Variants in BTBD9 observed in about 807,000 individuals in gnomAD.
BTBD9 encodes BTB/POZ domain-containing protein 9.
BTBD9 carries 49 observed loss-of-function variants against 64.3 expected under a neutral mutation model. The ratio of observed to expected loss-of-function variants is 0.76; its 90% CI spans 0.61 to 0.97. The LOEUF (loss-of-function observed/expected upper bound fraction) is 0.97, where lower values mean the gene tolerates loss of function less well. Ranked by LOEUF, BTBD9 falls within the 50% of genes least tolerant of loss-of-function variation. The pLI is 0.00. For synonymous variants in BTBD9, 260 were observed against 274.7 expected (o/e 0.95, Z 0.53); for missense variants, 598 against 762.1 (o/e 0.78, Z 2.53).
intron 6 of BTBD9, among the ~76,000 whole-genome samples, chr6:38,556,431 A>G (rs1348647381): frequency 2.0e-5 from 3 of 152,044 alleles, no homozygotes; most frequent in Non-Finnish European, 4.4e-5. Context: ...AGGGGTCTGG[A>G]AAGTCAAATG....
At chr6:38,371,158 T>A (rs1398183823) in intron 6 of BTBD9, among the ~76,000 whole-genome samples, 1 of 152,194 alleles carries the variant, frequency 6.6e-6, no homozygotes, top group Non-Finnish European at 1.5e-5. Context: ...TGTGAGTACT[T>A]GGCAGCCCCC....
intron 6 of BTBD9, among the ~76,000 whole-genome samples, chr6:38,469,438 C>T (rs1770539119): frequency 6.6e-6 from 1 of 151,824 alleles, no homozygotes. Flanking sequence ...CCTGCTTCAG[C>T]CTCCAGCGTA....
At chr6:38,445,237 G>C (rs1769215054) in intron 6 of BTBD9, among the ~76,000 whole-genome samples, 1 of 152,200 alleles carries the variant, frequency 6.6e-6, no homozygotes, top group Non-Finnish European at 1.5e-5. Flanking sequence ...TATAACTACA[G>C]TATAACCTAG....
intron 9 of BTBD9, among the ~76,000 whole-genome samples, chr6:38,214,803 C>T (rs1582062250): frequency 6.6e-6 from 1 of 152,180 alleles, no homozygotes; most frequent in Admixed American, 6.5e-5. Context: ...TTTACTACTT[C>T]ATAGTAAACA....
At chr6:38,619,433 T>A (rs1018555000) in intron 1 of BTBD9, among the ~76,000 whole-genome samples, 1 of 152,108 alleles carries the variant, frequency 6.6e-6, no homozygotes, top group African/African-American at 2.4e-5. Flanking sequence ...CCGTATGGCT[T>A]GTTATCAGTG....
At chr6:38,373,112 G>C (rs1396330143) in intron 6 of BTBD9, among the ~76,000 whole-genome samples, 1 of 152,130 alleles carries the variant, frequency 6.6e-6, no homozygotes, top group Non-Finnish European at 1.5e-5. Flanking sequence ...GTCCTTGGTA[G>C]ATACATATTC....
chr6:38,535,628 A>C (rs565954292), intron 6 of BTBD9, among the ~76,000 whole-genome samples: 1 of 152,272 alleles, frequency 6.6e-6, no homozygotes, highest in East Asian at 1.9e-4. Context: ...TAAAGTAACC[A>C]AAACAGCATG....
At chr6:38,285,357 T>C (rs1170421243) in intron 8 of BTBD9, among the ~76,000 whole-genome samples, 2 of 152,066 alleles carry the variant, frequency 1.3e-5, no homozygotes, top group Non-Finnish European at 2.9e-5. Context: ...ATCAGGGAGA[T>C]TCCCAAGTTT....
intron 7 of BTBD9, among the ~76,000 whole-genome samples, chr6:38,342,453 T>C (rs1764138969): frequency 6.6e-6 from 1 of 150,962 alleles, no homozygotes; most frequent in Non-Finnish European, 1.5e-5. Flanking sequence ...GGAGAATTGC[T>C]TGAACCCAGG....
intron 9 of BTBD9, among the ~76,000 whole-genome samples, chr6:38,226,845 T>C (rs147180857): frequency 6.6e-6 from 1 of 152,332 alleles, no homozygotes; most frequent in East Asian, 1.9e-4. Context: ...TCCAATTAAC[T>C]ACAGTCTCTC....
intron 6 of BTBD9, among the ~76,000 whole-genome samples, chr6:38,501,610 T>C (rs1349064229): frequency 1.3e-5 from 2 of 152,204 alleles, no homozygotes; most frequent in African/African-American, 2.4e-5. Flanking sequence ...TCTCAAAATG[T>C]AGTCTGGGGA....
chr6:38,376,803 G>C (rs1765709856), intron 6 of BTBD9, among the ~76,000 whole-genome samples: 1 of 152,070 alleles, frequency 6.6e-6, no homozygotes, highest in Non-Finnish European at 1.5e-5. Context: ...TGTTATATTT[G>C]TCCTTCTTGG....
At chr6:38,270,985 G>A (rs1447181663) in intron 8 of BTBD9, among the ~76,000 whole-genome samples, 1 of 152,084 alleles carries the variant, frequency 6.6e-6, no homozygotes, top group Non-Finnish European at 1.5e-5. Flanking sequence ...TAATGTACGT[G>A]ATTTCTGATT....
chr6:38,538,626 T>TC (rs1774126200), intron 6 of BTBD9, among the ~76,000 whole-genome samples: 1 of 152,118 alleles, frequency 6.6e-6, no homozygotes, highest in African/African-American at 2.4e-5. Context: ...TTGTTTACCT[T>TC]CCCCCGCCCC....
intron 8 of BTBD9, among the ~76,000 whole-genome samples, chr6:38,285,005 G>T (rs1761676695): frequency 7.0e-6 from 1 of 143,202 alleles, no homozygotes; most frequent in Non-Finnish European, 1.5e-5. Context: ...GGAGGGTGGG[G>T]AGGGGTGCAC....
At chr6:38,260,037 C>T (rs1764737332) in intron 8 of BTBD9, among the ~76,000 whole-genome samples, 1 of 152,074 alleles carries the variant, frequency 6.6e-6, no homozygotes, top group Non-Finnish European at 1.5e-5. Context: ...TCAGCCTATG[C>T]TAATTTATAT....
chr6:38,202,837 T>C (rs1762512212), intron 9 of BTBD9, among the ~76,000 whole-genome samples: 1 of 152,208 alleles, frequency 6.6e-6, no homozygotes, highest in African/African-American at 2.4e-5. Context: ...TTCAGGATAT[T>C]GGTCTAGCCA....
At chr6:38,204,090 T>C (rs934056580) in intron 9 of BTBD9, among the ~76,000 whole-genome samples, 1 of 152,080 alleles carries the variant, frequency 6.6e-6, no homozygotes, top group Admixed American at 6.6e-5. Flanking sequence ...GATGAAAATG[T>C]GAAGAAACTG....
At chr6:38,473,831 T>TA (rs1393434932) in intron 6 of BTBD9, among the ~76,000 whole-genome samples, 1 of 152,132 alleles carries the variant, frequency 6.6e-6, no homozygotes, top group African/African-American at 2.4e-5. Flanking sequence ...GGGGTGATGG[T>TA]AGTCAAAAAG....
Sources: allele counts gnomAD v4.1 joint callset (sites outside exome capture counted in the v4.1 genomes callset), GRCh38; gene constraint gnomAD v4.1.1; transcripts MANE v1.5; gene names NCBI Gene and HGNC (gene_info 2026-07-23, HGNC 2026-07-21).